Variants in BMPR2 observed in about 807,000 individuals in gnomAD.
BMPR2 encodes bone morphogenetic protein receptor type-2.
BMPR2 carries 29 observed loss-of-function variants against 100.8 expected under a neutral mutation model. The observed-to-expected ratio is 0.29, with a 90% CI of 0.21 to 0.39. The LOEUF (loss-of-function observed/expected upper bound fraction) is 0.39, where lower values mean the gene tolerates loss of function less well. BMPR2 is among the 10% of genes least tolerant of loss of function. The pLI is 1.00. For missense variants in BMPR2, 1,011 were observed against 1,274.5 expected, an observed-to-expected ratio of 0.79 and a Z score of 3.15; for synonymous variants, 382 against 442.3, an observed-to-expected ratio of 0.86 and a Z score of 1.71.
intron 7 of BMPR2, among the ~76,000 whole-genome samples, chr2:202,526,504 C>G (rs1574491832): frequency 6.6e-6 from 1 of 152,320 alleles, no homozygotes; most frequent in South Asian, 2.1e-4. Flanking sequence ...CTCCTAAATA[C>G]AGAATTGTCC....
intron 7 of BMPR2, among the ~76,000 whole-genome samples, chr2:202,526,739 TTTTA>T (rs1687918669): frequency 6.6e-6 from 1 of 152,240 alleles, no homozygotes; most frequent in African/African-American, 2.4e-5. Context: ...CAGATATAAG[TTTTA>T]TTTAAACAGA....
intron 9 of BMPR2, among the ~76,000 whole-genome samples, chr2:202,540,585 TTGG>T (rs1390731982): frequency 6.6e-6 from 1 of 152,162 alleles, no homozygotes; most frequent in Non-Finnish European, 1.5e-5. Context: ...TTTTTTAATA[TTGG>T]TGGAGGGCAA....
intron 1 of BMPR2, among the ~76,000 whole-genome samples, chr2:202,405,703 A>C (rs1412620911): frequency 6.6e-6 from 1 of 151,534 alleles, no homozygotes; most frequent in Admixed American, 6.6e-5. Context: ...AAAAAAAAAA[A>C]AAAAAAAAGC....
intron 1 of BMPR2, among the ~76,000 whole-genome samples, chr2:202,416,404 G>C (rs973979224): frequency 1.3e-5 from 2 of 151,382 alleles, no homozygotes; most frequent in Non-Finnish European, 2.9e-5. Context: ...GGAACTACAG[G>C]TGTGCACTAC....
At chr2:202,524,989 TAAATA>T (rs1186742999) in intron 7 of BMPR2, among the ~76,000 whole-genome samples, 1 of 151,932 alleles carries the variant, frequency 6.6e-6, no homozygotes, top group East Asian at 1.9e-4. Flanking sequence ...GAAAAGTAAA[TAAATA>T]AAAGAAAAAA....
chr2:202,556,563 G>A, intron 12 of BMPR2, 32 bp downstream of exon 12: 1 of 1,602,844 alleles, frequency 6.2e-7, no homozygotes, highest in African/African-American at 1.3e-5. Flanking sequence ...TCTCTCCTGT[G>A]TGTCTTTTGG....
At chr2:202,550,539 A>G (rs930486792) in intron 10 of BMPR2, among the ~76,000 whole-genome samples, 8 of 152,014 alleles carry the variant, frequency 5.3e-5, no homozygotes, top group African/African-American at 1.9e-4. Context: ...TTATCATTTT[A>G]TGCTTTTCTC....
intron 3 of BMPR2, among the ~76,000 whole-genome samples, chr2:202,478,330 A>G (rs1692590466): frequency 1.3e-5 from 2 of 152,218 alleles, no homozygotes; most frequent in South Asian, 4.1e-4. Context: ...CCATGAGTTA[A>G]GTGTCAATGA....
chr2:202,459,773 A>G (rs770242066), intron 1 of BMPR2, among the ~76,000 whole-genome samples: 8 of 152,368 alleles, frequency 5.3e-5, no homozygotes, highest in South Asian at 2.1e-4. Context: ...ACGAGATTTA[A>G]TTAAACATAA....
At chr2:202,553,814 G>A (rs1991371) in intron 11 of BMPR2, among the ~76,000 whole-genome samples, 21,202 of 151,894 alleles carry the variant, frequency 0.14, 1,595 homozygotes, top group South Asian at 0.24. Context: ...TCGGCCTCCC[G>A]AGTAGCTGAG....
chr2:202,507,984 G>A (rs1216764798), intron 3 of BMPR2, among the ~76,000 whole-genome samples: 1 of 151,568 alleles, frequency 6.6e-6, no homozygotes, highest in Non-Finnish European at 1.5e-5. Context: ...ATAGGTGTGA[G>A]CCACTGTGCC....
chr2:202,427,450 A>G (rs1299607687), intron 1 of BMPR2, among the ~76,000 whole-genome samples: 1 of 151,862 alleles, frequency 6.6e-6, no homozygotes, highest in Non-Finnish European at 1.5e-5. Flanking sequence ...TTTTACAGTA[A>G]GCAAACAGTG....
chr2:202,420,546 T>A (rs1691239601), intron 1 of BMPR2, among the ~76,000 whole-genome samples: 1 of 136,310 alleles, frequency 7.3e-6, no homozygotes, highest in Non-Finnish European at 1.6e-5. Context: ...GATTTTTTTT[T>A]TTTTTTTTTT....
At chr2:202,422,542 A>G (rs1691288137) in intron 1 of BMPR2, among the ~76,000 whole-genome samples, 1 of 151,030 alleles carries the variant, frequency 6.6e-6, no homozygotes, top group Non-Finnish European at 1.5e-5. Context: ...TCGTGACCTC[A>G]TGACCCGCCT....
intron 3 of BMPR2, among the ~76,000 whole-genome samples, chr2:202,470,770 C>CA (rs35813080): frequency 0.036 from 2,321 of 64,816 alleles, 49 homozygotes; most frequent in East Asian, 0.069. Context: ...GACTCCGTCT[C>CA]AAAAAAAAAA....
At chr2:202,548,080 A>T (rs1688407607) in intron 10 of BMPR2, among the ~76,000 whole-genome samples, 3 of 8,520 alleles carry the variant, frequency 3.5e-4, no homozygotes, top group African/African-American at 1.3e-3. Context: ...GTAAGATTCC[A>T]TCTTAAAAAA....
chr2:202,422,508 G>T (rs949919092), intron 1 of BMPR2, among the ~76,000 whole-genome samples: 8 of 151,372 alleles, frequency 5.3e-5, no homozygotes, highest in Non-Finnish European at 1.2e-4. Flanking sequence ...GGGTTTCACC[G>T]TGTTAGCCAG....
chr2:202,388,396 C>CAAAA (rs71406975), intron 1 of BMPR2, among the ~76,000 whole-genome samples: 969 of 36,952 alleles, frequency 0.026, 142 homozygotes, highest in African/African-American at 0.11. Flanking sequence ...GACTCCATCT[C>CAAAA]AAAAAAAAAA....
chr2:202,486,145 G>A (rs533923585), intron 3 of BMPR2, among the ~76,000 whole-genome samples: 1 of 152,188 alleles, frequency 6.6e-6, no homozygotes, highest in South Asian at 2.1e-4. Flanking sequence ...CCCAGCAGGA[G>A]GAGGAATGCT....
Sources: allele counts gnomAD v4.1 joint callset (sites outside exome capture counted in the v4.1 genomes callset), GRCh38; gene constraint gnomAD v4.1.1; transcripts MANE v1.5; gene names NCBI Gene and HGNC (gene_info 2026-07-23, HGNC 2026-07-21).